Variants in SPATA6L observed in about 807,000 individuals in gnomAD.
The protein encoded by SPATA6L is spermatogenesis associated 6-like protein.
A neutral mutation model predicts 49.2 loss-of-function variants in SPATA6L; 68 were observed. The ratio of observed to expected loss-of-function variants is 1.38; its 90% CI spans 1.14 to 1.69. The LOEUF is 1.69. Ranked by LOEUF, SPATA6L falls within the 40% of genes most tolerant of loss-of-function variation. The pLI, the probability that SPATA6L is intolerant of heterozygous loss-of-function variation, is 0.00. For synonymous variants in SPATA6L, 198 were observed against 165.7 expected, an observed-to-expected ratio of 1.19 and a Z score of -1.50; for missense variants, 668 against 464.3, an observed-to-expected ratio of 1.44 and a Z score of -4.03.
chr9:4,659,669 A>G (rs1452391877), intron 2 of SPATA6L, among the ~76,000 whole-genome samples: 1 of 152,168 alleles, frequency 6.6e-6, no homozygotes, highest in East Asian at 1.9e-4. Flanking sequence ...ACAGAATTGG[A>G]AAAAACTACT....
In SPATA6L at chr9:4,623,930, C is replaced by T. The variant is rs1481248216; in HGVS notation, c.669+1397G>A. The stretch of plus-strand genomic sequence containing the variant: ...TTTTGCCAGATGTCATTATCCAGGC[C>T]ACCAAGCAACAGCTGTTGTGTATTT... On this transcript the variant is annotated intron_variant, in intron 6 of 11. Coordinates refer to ENST00000682582, the MANE Select transcript of SPATA6L (RefSeq NM_001353486.2). 3.3e-5 allele frequency among the ~76,000 whole-genome samples: 5 copies of T among 152,142 alleles called. No individual in the cohort carries two copies. The East Asian group carries it at 9.6e-4, about 29-fold the overall frequency.
chr9:4,606,158 A>T (rs1824879556), intron 9 of SPATA6L, among the ~76,000 whole-genome samples: 1 of 151,756 alleles, frequency 6.6e-6, no homozygotes, highest in African/African-American at 2.4e-5. Context: ...ACGCCCACGG[A>T]GTCTCGCTGA....
chr9:4,655,802 C>A, intron 3 of SPATA6L, among the ~76,000 whole-genome samples: 1 of 152,118 alleles, frequency 6.6e-6, no homozygotes, highest in South Asian at 2.1e-4. Flanking sequence ...TCACCCGCCT[C>A]GGCCTCCCAA....
Position 4,600,376 on chromosome 9 carries a change from AAGTC to A in SPATA6L, c.*431_*434del, listed in dbSNP as rs1317785216. 2.0e-5 allele frequency: 3 copies of A among 152,618 alleles called. No homozygotes were observed. Among genetic ancestry groups the A allele is most frequent in the Non-Finnish European group, 4.4e-5 (3 of 68,036 alleles). 9.5% of individuals were successfully genotyped at this position (152,618 alleles called of 1,614,324 possible). A position where few individuals can be genotyped will look rare whatever the true frequency, so the allele number is the denominator to read the frequency against. On this transcript the variant is annotated 3_prime_UTR_variant, in exon 12 of 12. Coordinates refer to ENST00000682582, the MANE Select transcript of SPATA6L (RefSeq NM_001353486.2). ...CAAAAACGGATCTACCGAAAAGAGAAAGTCAGGTTGATAGTCTTTCCTGGAGGAT... is the reference window on the plus strand; with the variant it reads ...CAAAAACGGATCTACCGAAAAGAGAAAGGTTGATAGTCTTTCCTGGAGGAT...
chr9:4,600,309 C>T lies in SPATA6L; in HGVS notation c.*502G>A, dbSNP rs1242668230. 1.3e-5 allele frequency among the ~76,000 whole-genome samples: 2 copies of T among 152,150 alleles called. No individual in the cohort carries two copies. The highest frequency in any genetic ancestry group is 4.8e-5 in the African/African-American group (2 of 41,426). On this transcript the variant is annotated 3_prime_UTR_variant, in exon 12 of 12. Coordinates refer to ENST00000682582, the MANE Select transcript of SPATA6L (RefSeq NM_001353486.2). ...CTTTTCCAAGGTTTTTAGTGGACTT[C>T]ACGTAAATCAAGCCTAACACTAAGA...
At chr9:4,610,195 C>T (rs560882917) in intron 9 of SPATA6L, among the ~76,000 whole-genome samples, 146 of 151,796 alleles carry the variant, frequency 9.6e-4, no homozygotes, top group African/African-American at 3.4e-3. Flanking sequence ...TAGGAAGACT[C>T]AATATCGTGA....
In SPATA6L at chr9:4,619,401, A is replaced by G. The variant is rs544331136; in HGVS notation, c.773-503T>C. On this transcript the variant is annotated intron_variant, in intron 7 of 11. Transcript: ENST00000682582. Reference sequence around the variant, plus strand: ...TCGAACTCCTGACCTCAGGTGACCCACCCGCCTCAGCCTCCCAAAGTCCTG... The same window carrying G: ...TCGAACTCCTGACCTCAGGTGACCCGCCCGCCTCAGCCTCCCAAAGTCCTG... 2.0e-5 allele frequency among the ~76,000 whole-genome samples: 3 copies of G among 151,208 alleles called. No homozygotes were observed. The South Asian group carries it at 6.3e-4, about 32-fold the overall frequency.
At position 4,629,282 on chromosome 9, in the gene SPATA6L, A is replaced by G. The variant is rs540654766; in HGVS notation, c.352-114T>C. 5 of 637,020 alleles carry G rather than the reference A, an allele frequency of 7.8e-6. No individual in the cohort carries two copies. The East Asian group carries it at 1.4e-4, about 18-fold the overall frequency. The allele number at this position is 637,020 out of a possible 1,614,324, so 39.5% of individuals were successfully genotyped here. Reference sequence around the variant, plus strand: ...ACTGCTCTTCTGTGTGGCATAATCCACACACATTATCTAAAATATATATGT... The same window carrying G: ...ACTGCTCTTCTGTGTGGCATAATCCGCACACATTATCTAAAATATATATGT... On this transcript the variant is annotated intron_variant, in intron 4 of 11. Coordinates refer to ENST00000682582, the MANE Select transcript of SPATA6L (RefSeq NM_001353486.2).
chr9:4,653,480 G>A (rs1456732070), intron 3 of SPATA6L, among the ~76,000 whole-genome samples: 1 of 152,028 alleles, frequency 6.6e-6, no homozygotes, highest in African/African-American at 2.4e-5. Flanking sequence ...AAAAGCACAA[G>A]CAACAAAGGA....
intron 8 of SPATA6L, among the ~76,000 whole-genome samples, chr9:4,618,369 C>T (rs1049439818): frequency 1.3e-5 from 2 of 152,086 alleles, no homozygotes; most frequent in East Asian, 3.9e-4. Flanking sequence ...ATGCTCTGAA[C>T]TTTGATTTCT....
intron 11 of SPATA6L, among the ~76,000 whole-genome samples, chr9:4,602,370 C>G (rs1319920679): frequency 1.3e-5 from 2 of 152,086 alleles, no homozygotes; most frequent in African/African-American, 4.8e-5. Context: ...TTTAATCTAG[C>G]AAGCAGAACG....
intron 7 of SPATA6L, among the ~76,000 whole-genome samples, chr9:4,621,884 T>C (rs1044463556): frequency 2.6e-5 from 4 of 152,242 alleles, no homozygotes; most frequent in Admixed American, 2.0e-4. Context: ...TTGGGCTCTT[T>C]AATAATATTT....
intron 6 of SPATA6L, among the ~76,000 whole-genome samples, chr9:4,624,606 T>C (rs541069984): frequency 1.7e-3 from 258 of 151,770 alleles, no homozygotes; most frequent in Admixed American, 2.8e-3. Context: ...TGGGCACCTG[T>C]AATCTCAGCT....
At position 4,662,266 on chromosome 9, in the gene SPATA6L, G is replaced by C; in HGVS notation, c.40-230C>G. The C allele has an allele frequency of 7.0e-7, 1 of 1,433,388 alleles. No individual in the cohort carries two copies. The highest frequency in any genetic ancestry group is 9.1e-7 in the Non-Finnish European group (1 of 1,099,060). The allele number at this position is 1,433,388 out of a possible 1,614,324, so 88.8% of individuals were successfully genotyped here. ...AGGTGTCACAATCGCGCTCTCGCCG[G>C]CTCCTCTCCCCGCCCCTCCGGGATG... is the stretch of plus-strand genomic sequence containing the variant. On this transcript the variant is annotated intron_variant, in intron 1 of 11. Transcript: ENST00000682582. The surrounding 1 kb of genome is among the most constrained non-coding windows in gnomAD (Gnocchi z 4.9).
intron 11 of SPATA6L, among the ~76,000 whole-genome samples, chr9:4,601,860 G>A (rs1240460223): frequency 6.6e-6 from 1 of 152,174 alleles, no homozygotes; most frequent in Non-Finnish European, 1.5e-5. Context: ...TTGCCTGTTT[G>A]GATCTTTCCT....
chr9:4,606,753 G>T (rs1248423461), intron 9 of SPATA6L, among the ~76,000 whole-genome samples: 3 of 147,218 alleles, frequency 2.0e-5, no homozygotes, highest in Non-Finnish European at 4.5e-5. Context: ...TCCTCCAAAG[G>T]AATGCAGTTC....
chr9:4,633,527 A>C (rs1188004103), intron 4 of SPATA6L: 1 of 183,364 alleles, frequency 5.5e-6, no homozygotes, highest in African/African-American at 2.4e-5. Context: ...AAAGAAGGTA[A>C]GAAACCTAGA....
intron 6 of SPATA6L, 38 bp downstream of exon 6, chr9:4,625,289 C>T (rs370999137): frequency 3.4e-5 from 54 of 1,593,722 alleles, no homozygotes; most frequent in Non-Finnish European, 4.4e-5. Context: ...CATATCCTCA[C>T]TATTGCAAAA....
At chr9:4,663,301 G>C (rs1177464798) in intron 1 of SPATA6L, 1 of 1,584,438 alleles carries the variant, frequency 6.3e-7, no homozygotes. Context: ...AAGTCTGAAG[G>C]TTTCCACATT....
Sources: gnomAD v4.1 joint callset for allele counts (sites outside exome capture counted in the v4.1 genomes callset) on GRCh38, gnomAD v4.1.1 for gene constraint, Gnocchi (gnomAD v3.1) non-coding constraint, MANE v1.5 for transcripts, NCBI Gene and HGNC (gene_info 2026-07-23, HGNC 2026-07-21) for gene names.